Variants in CDH18 observed in about 807,000 individuals in gnomAD.
The protein encoded by CDH18 is cadherin 18.
Under a neutral mutation model 67.9 loss-of-function variants are expected in CDH18, and 31 were observed. That is an observed-to-expected ratio of 0.46 (90% confidence interval 0.34 to 0.62). CDH18 has a LOEUF of 0.62. Ranked by LOEUF, CDH18 falls within the 20% of genes least tolerant of loss-of-function variation. The pLI is 0.01. For synonymous variants in CDH18, 362 were observed against 347.2 expected (o/e 1.04, Z -0.48); for missense variants, 890 against 975.5 (o/e 0.91, Z 1.17).
chr5:20,069,569 C>T lies in CDH18; in HGVS notation c.-517-77555G>A, dbSNP rs941707469. Among the ~76,000 whole-genome samples, 9 of 152,010 alleles carry T rather than the reference C, an allele frequency of 5.9e-5. No individual in the cohort carries two copies. In the South Asian group the frequency reaches 6.2e-4, roughly 11 times the overall value. ...CTGGGACTACAGGCACCTGCCACCA[C>T]GCCCAGCTACTTTTTGTATTTTTAG... On this transcript the variant is annotated intron_variant, in intron 2 of 14. Coordinates refer to the CDH18 transcript ENST00000507958.
chr5:19,504,835 G>T (rs1181642155), intron 10 of CDH18, among the ~76,000 whole-genome samples: 1 of 152,010 alleles, frequency 6.6e-6, no homozygotes, highest in Non-Finnish European at 1.5e-5. Flanking sequence ...TTTTATCCAA[G>T]AATCGAATTT....
chr5:19,811,029 G>T (rs1778583806), intron 3 of CDH18, among the ~76,000 whole-genome samples: 1 of 145,582 alleles, frequency 6.9e-6, no homozygotes, highest in Admixed American at 7.0e-5. Context: ...TCTCAAAAAG[G>T]AAAGGAAAGG....
chr5:20,162,501 C>CATATAT (rs35649445), intron 2 of CDH18, among the ~76,000 whole-genome samples: 8 of 143,720 alleles, frequency 5.6e-5, no homozygotes, highest in African/African-American at 2.0e-4. Context: ...ATATAATAGA[C>CATATAT]ATATATATAT....
chr5:19,571,878 T>C (rs776035981), intron 7 of CDH18, 46 bp from the exon 8 acceptor site: 60 of 1,467,750 alleles, frequency 4.1e-5, no homozygotes, highest in Non-Finnish European at 5.1e-5. Flanking sequence ...AAAAAAGTCA[T>C]ATTATGACTT....
intron 2 of CDH18, among the ~76,000 whole-genome samples, chr5:20,195,657 A>G (rs1305171386): frequency 6.6e-6 from 1 of 152,048 alleles, no homozygotes; most frequent in Non-Finnish European, 1.5e-5. Flanking sequence ...ATTTATGTTT[A>G]CTCTAAAAAT....
At chr5:19,754,411 G>T (rs1292117570) in intron 3 of CDH18, among the ~76,000 whole-genome samples, 1 of 152,074 alleles carries the variant, frequency 6.6e-6, no homozygotes, top group Non-Finnish European at 1.5e-5. Flanking sequence ...GTTAAAAAGG[G>T]CAAAGAGGGA....
At chr5:19,698,307 T>C (rs1359354126) in intron 5 of CDH18, among the ~76,000 whole-genome samples, 2 of 152,166 alleles carry the variant, frequency 1.3e-5, no homozygotes, top group Non-Finnish European at 2.9e-5. Flanking sequence ...AGCTTGCACA[T>C]TGAGATCAAA....
intron 5 of CDH18, among the ~76,000 whole-genome samples, chr5:19,678,189 G>C (rs1042053877): frequency 1.3e-5 from 2 of 150,194 alleles, no homozygotes; most frequent in African/African-American, 4.9e-5. Context: ...CTCATCTGCA[G>C]ATAGCACATG....
intron 2 of CDH18, among the ~76,000 whole-genome samples, chr5:20,057,065 C>A (rs1339804209): frequency 1.3e-5 from 2 of 152,034 alleles, no homozygotes; most frequent in Non-Finnish European, 2.9e-5. Flanking sequence ...GATGTCATCC[C>A]TAAGTAAATA....
chr5:20,186,381 A>G (rs1368262541), intron 2 of CDH18, among the ~76,000 whole-genome samples: 1 of 152,018 alleles, frequency 6.6e-6, no homozygotes, highest in Non-Finnish European at 1.5e-5. Context: ...TGCAAATCCC[A>G]TATCTGGCAA....
intron 2 of CDH18, among the ~76,000 whole-genome samples, chr5:19,994,469 G>A (rs1323346924): frequency 1.3e-5 from 2 of 150,198 alleles, no homozygotes; most frequent in Admixed American, 6.7e-5. Flanking sequence ...ATGCTTTAAT[G>A]AACATCTCCG....
intron 3 of CDH18, among the ~76,000 whole-genome samples, chr5:19,795,068 G>A (rs1372602057): frequency 6.6e-6 from 1 of 152,064 alleles, no homozygotes; most frequent in African/African-American, 2.4e-5. Context: ...GCTTCTTGCA[G>A]AGAAATGAGC....
intron 3 of CDH18, among the ~76,000 whole-genome samples, chr5:19,769,327 T>C (rs561733260): frequency 6.6e-6 from 1 of 152,088 alleles, no homozygotes; most frequent in African/African-American, 2.4e-5. Flanking sequence ...AGAATCTTGT[T>C]ACCTGCAAGA....
chr5:20,326,014 C>T (rs974338302), intron 1 of CDH18, among the ~76,000 whole-genome samples: 1 of 152,182 alleles, frequency 6.6e-6, no homozygotes, highest in Non-Finnish European at 1.5e-5. Context: ...TACTTTTCCT[C>T]CCATGTTTAA....
At chr5:19,517,219 T>C (rs897717264) in intron 10 of CDH18, among the ~76,000 whole-genome samples, 1 of 152,102 alleles carries the variant, frequency 6.6e-6, no homozygotes, top group East Asian at 1.9e-4. Flanking sequence ...TAGAAATAAT[T>C]TTTAAAAAAT....
chr5:19,489,272 G>C (rs1579751632), intron 11 of CDH18, among the ~76,000 whole-genome samples: 3 of 122,172 alleles, frequency 2.5e-5, no homozygotes, highest in Non-Finnish European at 4.8e-5. Context: ...TTTTGAGACT[G>C]AGTCTCTCTC....
intron 2 of CDH18, among the ~76,000 whole-genome samples, chr5:19,935,795 A>ACT (rs70954623): frequency 0.24 from 28,410 of 116,998 alleles, 3,266 homozygotes; most frequent in Middle Eastern, 0.34. Flanking sequence ...ACAGTCAGGA[A>ACT]CTCTCTCTCT....
At chr5:19,516,946 T>C (rs1206563186) in intron 10 of CDH18, among the ~76,000 whole-genome samples, 2 of 152,172 alleles carry the variant, frequency 1.3e-5, no homozygotes, top group East Asian at 3.9e-4. Context: ...TAAATAATTG[T>C]GCACATTTTG....
rs1736328149 is a variant in CDH18 at position 20,305,378 on chromosome 5, T to C, written c.-579-49873A>G. ...ACTTCCTCACTGGCCACAGAGAATGTTCCCACCTCTTCAGCTTCATCTTCT... is the reference window on the plus strand; with the variant it reads ...ACTTCCTCACTGGCCACAGAGAATGCTCCCACCTCTTCAGCTTCATCTTCT... On this transcript the variant is annotated intron_variant, in intron 1 of 14. Coordinates refer to the CDH18 transcript ENST00000507958. 3 of 1,543,798 alleles carry C rather than the reference T, an allele frequency of 1.9e-6. No homozygotes were observed. In the Admixed American group the frequency reaches 5.0e-5, roughly 26 times the overall value.
Sources: allele counts gnomAD v4.1 joint callset (sites outside exome capture counted in the v4.1 genomes callset), GRCh38; gene constraint gnomAD v4.1.1; transcripts MANE v1.5; gene names NCBI Gene and HGNC (gene_info 2026-07-23, HGNC 2026-07-21).